Variants in OSBPL8 observed in about 807,000 individuals in gnomAD.
The protein encoded by OSBPL8 is oxysterol binding protein like 8, also known as oxysterol-binding protein-related protein 8.
In OSBPL8, 59 loss-of-function variants were observed where a neutral mutation model predicts 125.5. That is an observed-to-expected ratio of 0.47 (90% CI 0.38 to 0.58). The LOEUF (loss-of-function observed/expected upper bound fraction) is 0.58, where lower values mean the gene tolerates loss of function less well. OSBPL8 is among the 20% of genes least tolerant of loss of function. The pLI, the probability that OSBPL8 is intolerant of heterozygous loss-of-function variation, is 0.00. For synonymous variants in OSBPL8, 330 were observed against 338.9 expected (o/e 0.97, Z 0.29); for missense variants, 758 against 1,047.8 (o/e 0.72, Z 3.82).
chr12:76,546,613 G>C (rs1316296865), intron 1 of OSBPL8, among the ~76,000 whole-genome samples: 2 of 151,990 alleles, frequency 1.3e-5, no homozygotes, highest in African/African-American at 2.4e-5. Flanking sequence ...GCAAAAAAAA[G>C]TATCAAAATT....
intron 12 of OSBPL8, among the ~76,000 whole-genome samples, chr12:76,389,020 G>A (rs1279981051): frequency 6.6e-6 from 1 of 152,170 alleles, no homozygotes; most frequent in Non-Finnish European, 1.5e-5. Context: ...AGAATTGGAA[G>A]CATGGACACA....
chr12:76,397,665 T>C (rs1411173035), intron 8 of OSBPL8, 29 bp downstream of exon 8: 25 of 1,592,914 alleles, frequency 1.6e-5, no homozygotes, highest in Non-Finnish European at 2.2e-5. Flanking sequence ...CATCTTTACC[T>C]TTCACCTATG....
At chr12:76,528,163 A>T (rs547856922) in intron 1 of OSBPL8, among the ~76,000 whole-genome samples, 1 of 152,184 alleles carries the variant, frequency 6.6e-6, no homozygotes, top group African/African-American at 2.4e-5. Flanking sequence ...TCTACTAAAA[A>T]TACAAAAATT....
At chr12:76,411,416 T>C (rs1954509242) in intron 4 of OSBPL8, among the ~76,000 whole-genome samples, 1 of 152,138 alleles carries the variant, frequency 6.6e-6, no homozygotes, top group African/African-American at 2.4e-5. Flanking sequence ...CTATAATTAT[T>C]TGTTCAGAGT....
intron 1 of OSBPL8, among the ~76,000 whole-genome samples, chr12:76,533,716 T>C (rs1367652143): frequency 6.6e-6 from 1 of 152,182 alleles, no homozygotes; most frequent in East Asian, 1.9e-4. Flanking sequence ...TAAGCTGTTA[T>C]CAAGTGCAAA....
intron 4 of OSBPL8, among the ~76,000 whole-genome samples, chr12:76,430,806 C>CAG (rs1870727076): frequency 6.6e-6 from 1 of 152,140 alleles, no homozygotes; most frequent in Non-Finnish European, 1.5e-5. Flanking sequence ...AAGGTAAAGA[C>CAG]TTTCCTAGAC....
At chr12:76,459,582 G>C (rs1874460147) in intron 3 of OSBPL8, among the ~76,000 whole-genome samples, 1 of 152,114 alleles carries the variant, frequency 6.6e-6, no homozygotes, top group Non-Finnish European at 1.5e-5. Flanking sequence ...TGAAGAAGAG[G>C]TCCCAAATTA....
chr12:76,371,623 T>A lies in OSBPL8; in HGVS notation c.1918-39A>T, dbSNP rs1169913202. ...AATTCAAAATTAATGTAAAGAATTA[T>A]ACTTAGAAGGCAATTATATAGTATA... is the stretch of plus-strand genomic sequence containing the variant. On this transcript the variant is annotated intron_variant, in intron 18 of 23. Coordinates refer to ENST00000261183, the MANE Select transcript of OSBPL8 (RefSeq NM_020841.5). 8 of 1,481,980 alleles carry A rather than the reference T, an allele frequency of 5.4e-6. No individual in the cohort carries two copies. In the East Asian group the frequency reaches 7.4e-5, roughly 14 times the overall value. The allele number at this position is 1,481,980 out of a possible 1,614,324, so 91.8% of individuals were successfully genotyped here. A position where few individuals can be genotyped will look rare whatever the true frequency, so the allele number is the denominator to read the frequency against.
chr12:76,528,754 T>G (rs913622863), intron 1 of OSBPL8, among the ~76,000 whole-genome samples: 1 of 152,050 alleles, frequency 6.6e-6, no homozygotes, highest in African/African-American at 2.4e-5. Flanking sequence ...TAGGGAAGGC[T>G]GAGGTGGGAC....
rs530564321 is a variant in OSBPL8 at position 76,455,542 on chromosome 12, C to T, written c.79+4317G>A. On this transcript the variant is annotated intron_variant, in intron 3 of 23. Coordinates refer to ENST00000261183, the MANE Select transcript of OSBPL8 (RefSeq NM_020841.5). Reference sequence around the variant, plus strand: ...CTATTCACCCTTTCTAATCCATTTTCGATGGAAGTATTACTACATGATTTT... The same window carrying T: ...CTATTCACCCTTTCTAATCCATTTTTGATGGAAGTATTACTACATGATTTT... Among the ~76,000 whole-genome samples, 329 of 152,246 alleles carry T rather than the reference C, an allele frequency of 2.2e-3. 3 individuals are homozygous for T. Among genetic ancestry groups the T allele is most frequent in the African/African-American group, 7.6e-3 (314 of 41,554 alleles).
At chr12:76,558,283 A>C (rs1178937558) in intron 1 of OSBPL8, among the ~76,000 whole-genome samples, 1 of 152,224 alleles carries the variant, frequency 6.6e-6, no homozygotes, top group Admixed American at 6.5e-5. Context: ...GCAAGCATAG[A>C]AACTGATCAT....
At position 76,510,750 on chromosome 12, in the gene OSBPL8, G is replaced by A. The variant is rs573605629; in HGVS notation, c.-67-23132C>T. 8.1e-4 allele frequency among the ~76,000 whole-genome samples: 123 copies of A among 151,842 alleles called. 1 individual carries two copies. The highest frequency in any genetic ancestry group is 2.4e-3 in the African/African-American group (101 of 41,414). Reference sequence around the variant, plus strand: ...ACAAAAATTAGCCAGGTGTAGTGGCGCATGCCTGTAATCCCAGCTACTCGT... The same window carrying A: ...ACAAAAATTAGCCAGGTGTAGTGGCACATGCCTGTAATCCCAGCTACTCGT... On this transcript the variant is annotated intron_variant, in intron 1 of 23. Coordinates refer to ENST00000261183, the MANE Select transcript of OSBPL8 (RefSeq NM_020841.5).
intron 1 of OSBPL8, among the ~76,000 whole-genome samples, chr12:76,524,444 T>G (rs1236962976): frequency 1.3e-5 from 2 of 152,186 alleles, no homozygotes; most frequent in African/African-American, 4.8e-5. Context: ...TAAATTTTTT[T>G]TTAAATGGCA....
intron 1 of OSBPL8, among the ~76,000 whole-genome samples, chr12:76,495,925 T>C (rs937792677): frequency 6.6e-6 from 1 of 152,230 alleles, no homozygotes; most frequent in Non-Finnish European, 1.5e-5. Context: ...TAGAAAAATG[T>C]TGGAGCTCCA....
intron 4 of OSBPL8, among the ~76,000 whole-genome samples, chr12:76,449,895 C>G (rs904612723): frequency 6.6e-6 from 1 of 151,962 alleles, no homozygotes; most frequent in South Asian, 2.1e-4. Context: ...TTGCAATTAA[C>G]ATAAAGAAAA....
chr12:76,370,670 G>A (rs1169653114), intron 19 of OSBPL8, among the ~76,000 whole-genome samples: 3 of 152,120 alleles, frequency 2.0e-5, no homozygotes, highest in African/African-American at 4.8e-5. Flanking sequence ...AAATGGTTAT[G>A]GCTGAGACAG....
intron 4 of OSBPL8, among the ~76,000 whole-genome samples, chr12:76,413,910 T>C (rs1868338309): frequency 1.3e-5 from 2 of 152,188 alleles, no homozygotes; most frequent in South Asian, 4.1e-4. Context: ...TGTGGTTTCT[T>C]TTGGTGAAGA....
intron 4 of OSBPL8, among the ~76,000 whole-genome samples, chr12:76,420,574 T>C (rs966283412): frequency 1.3e-5 from 2 of 151,966 alleles, no homozygotes; most frequent in African/African-American, 2.4e-5. Context: ...GAAAAAAATA[T>C]TTTTTTCAGG....
intron 1 of OSBPL8, among the ~76,000 whole-genome samples, chr12:76,498,543 A>G (rs1185847870): frequency 2.1e-4 from 32 of 152,130 alleles, no homozygotes; most frequent in Admixed American, 2.1e-3. Flanking sequence ...AACTGATTTA[A>G]AGTATCTATA....
Sources: gnomAD v4.1 joint callset for allele counts (sites outside exome capture counted in the v4.1 genomes callset) on GRCh38, gnomAD v4.1.1 for gene constraint, MANE v1.5 for transcripts, NCBI Gene and HGNC (gene_info 2026-07-23, HGNC 2026-07-21) for gene names.